LOXHD1: variants seen among roughly 807,000 people sequenced by gnomAD.
LOXHD1 encodes lipoxygenase homology domain-containing protein 1.
In LOXHD1, 205 loss-of-function variants were observed where a neutral mutation model predicts 248.2. The ratio of observed to expected loss-of-function variants is 0.83; its 90% confidence interval spans 0.74 to 0.93. The LOEUF (loss-of-function observed/expected upper bound fraction) is 0.93, where lower values mean the gene tolerates loss of function less well. LOXHD1 is among the 40% of genes least tolerant of loss of function. LOXHD1 has a pLI of 0.00. For synonymous variants in LOXHD1, 1,113 were observed against 1,162.8 expected, an observed-to-expected ratio of 0.96 and a Z score of 0.87; for missense variants, 2,930 against 2,971.6, an observed-to-expected ratio of 0.99 and a Z score of 0.33.
At chr18:46,567,596 G>C (rs896192932) in intron 16 of LOXHD1, among the ~76,000 whole-genome samples, 2 of 152,214 alleles carry the variant, frequency 1.3e-5, no homozygotes, top group Non-Finnish European at 2.9e-5. Flanking sequence ...ATGACTGGAT[G>C]CTCCCTAAGG....
intron 8 of LOXHD1, 56 bp downstream of exon 8, chr18:46,601,161 A>G: frequency 8.6e-6 from 13 of 1,519,868 alleles, no homozygotes; most frequent in Non-Finnish European, 1.2e-5. Context: ...TGTACTTGCA[A>G]GTTAAAGAGG....
chr18:46,478,341 G>A (rs908240747), intron 40 of LOXHD1, among the ~76,000 whole-genome samples: 11 of 152,078 alleles, frequency 7.2e-5, no homozygotes, highest in South Asian at 6.2e-4. Context: ...GAGCCACTGC[G>A]CCTGGCCGAC....
intron 4 of LOXHD1, among the ~76,000 whole-genome samples, chr18:46,638,792 A>T (rs919442786): frequency 6.6e-6 from 1 of 152,218 alleles, no homozygotes; most frequent in Non-Finnish European, 1.5e-5. Flanking sequence ...AAGACAATGG[A>T]TAAAGGGTGG....
At chr18:46,583,090 C>T (rs2037993715) in intron 12 of LOXHD1, among the ~76,000 whole-genome samples, 1 of 151,962 alleles carries the variant, frequency 6.6e-6, no homozygotes, top group Non-Finnish European at 1.5e-5. Context: ...CTTCTATCAA[C>T]AAAATACACA....
intron 35 of LOXHD1, 73 bp downstream of exon 35, chr18:46,509,625 T>C (rs1233320342): frequency 3.5e-6 from 4 of 1,129,498 alleles, no homozygotes; most frequent in African/African-American, 1.5e-5. Context: ...ACAAGGTCCA[T>C]TGACAAGCCA....
At chr18:46,534,686 TTC>T (rs2036228461) in intron 26 of LOXHD1, among the ~76,000 whole-genome samples, 1 of 152,184 alleles carries the variant, frequency 6.6e-6, no homozygotes, top group Non-Finnish European at 1.5e-5. Context: ...TTAATCCACC[TTC>T]TCTGGGAGGG....
chr18:46,596,544 T>C (rs1402241582), intron 8 of LOXHD1, among the ~76,000 whole-genome samples: 2 of 152,154 alleles, frequency 1.3e-5, no homozygotes, highest in African/African-American at 4.8e-5. Context: ...AGCAGAAATA[T>C]TTGAAGGACT....
At chr18:46,580,855 G>C (rs1328116919) in intron 12 of LOXHD1, among the ~76,000 whole-genome samples, 3 of 152,150 alleles carry the variant, frequency 2.0e-5, no homozygotes, top group Non-Finnish European at 1.5e-5. Flanking sequence ...AAAGGCCCCT[G>C]TGTGTGGATG....
chr18:46,583,178 C>A (rs1318082000), intron 12 of LOXHD1, among the ~76,000 whole-genome samples: 1 of 152,006 alleles, frequency 6.6e-6, no homozygotes, highest in Non-Finnish European at 1.5e-5. Flanking sequence ...AATAGACAAT[C>A]TAAATAGACA....
At chr18:46,555,601 G>C (rs1391614429) in intron 21 of LOXHD1, among the ~76,000 whole-genome samples, 1 of 152,102 alleles carries the variant, frequency 6.6e-6, no homozygotes, top group African/African-American at 2.4e-5. Flanking sequence ...TTGATAGGGT[G>C]CCCATTACAT....
chr18:46,506,459 A>G (rs1364911976), intron 36 of LOXHD1, among the ~76,000 whole-genome samples: 1 of 152,222 alleles, frequency 6.6e-6, no homozygotes, highest in Admixed American at 6.5e-5. Flanking sequence ...AGAGCTTCAT[A>G]TCATTTGCTT....
intron 26 of LOXHD1, among the ~76,000 whole-genome samples, chr18:46,535,443 C>T (rs975975586): frequency 3.9e-5 from 6 of 151,914 alleles, no homozygotes; most frequent in South Asian, 2.1e-4. Context: ...CTGAACTGGG[C>T]GGGGGATGGG....
At chr18:46,615,451 T>G (rs953617513) in intron 5 of LOXHD1, among the ~76,000 whole-genome samples, 3 of 152,224 alleles carry the variant, frequency 2.0e-5, no homozygotes, top group African/African-American at 7.2e-5. Flanking sequence ...ATATAACATG[T>G]GCCATCAGAT....
chr18:46,642,475 G>A (rs1335756348), intron 2 of LOXHD1, among the ~76,000 whole-genome samples: 1 of 152,198 alleles, frequency 6.6e-6, no homozygotes, highest in East Asian at 1.9e-4. Context: ...CCTTGCTTTT[G>A]CTGGGAAAAG....
intron 27 of LOXHD1, among the ~76,000 whole-genome samples, chr18:46,533,546 G>A (rs931869850): frequency 3.3e-5 from 5 of 152,140 alleles, no homozygotes; most frequent in African/African-American, 1.2e-4. Context: ...GAGTTCCCAG[G>A]GTCACTTAAA....
chr18:46,506,313 C>T (rs536109103), intron 36 of LOXHD1, among the ~76,000 whole-genome samples: 1 of 152,240 alleles, frequency 6.6e-6, no homozygotes, highest in African/African-American at 2.4e-5. Context: ...GGAAATATAC[C>T]CAAACTTAAA....
intron 10 of LOXHD1, 58 bp downstream of exon 10, chr18:46,593,542 C>T (rs760379400): frequency 1.2e-4 from 178 of 1,527,394 alleles, no homozygotes; most frequent in Admixed American, 4.6e-4. Context: ...ATCCCCAGGA[C>T]GAATGCCCTA....
chr18:46,612,638 G>T (rs2038525293), intron 5 of LOXHD1, among the ~76,000 whole-genome samples: 1 of 151,394 alleles, frequency 6.6e-6, no homozygotes, highest in South Asian at 2.1e-4. Flanking sequence ...ATTTTCCTTT[G>T]TTGCTTATGC....
At chr18:46,532,468 G>A (rs1021281533) in intron 28 of LOXHD1, among the ~76,000 whole-genome samples, 10 of 152,188 alleles carry the variant, frequency 6.6e-5, no homozygotes, top group African/African-American at 2.4e-4. Flanking sequence ...ACTGAGCCTT[G>A]AGGAATACTA....
Sources: allele counts gnomAD v4.1 joint callset (sites outside exome capture counted in the v4.1 genomes callset), GRCh38; gene constraint gnomAD v4.1.1; transcripts MANE v1.5; gene names NCBI Gene and HGNC (gene_info 2026-07-23, HGNC 2026-07-21).